CAPN9: variants seen among roughly 807,000 people sequenced by gnomAD.
CAPN9 encodes calpain-9.
A neutral mutation model predicts 92.8 loss-of-function variants in CAPN9; 81 were observed. The observed-to-expected ratio is 0.87, with a 90% CI of 0.73 to 1.05. The LOEUF is 1.05. Ranked by LOEUF, CAPN9 falls within the 50% of genes least tolerant of loss-of-function variation. The probability of loss-of-function intolerance (pLI) is 0.00; values close to 1 mark genes in which losing one functional copy is unlikely to be tolerated. For missense variants in CAPN9, 848 were observed against 866.2 expected (o/e 0.98, Z 0.26); for synonymous variants, 304 against 328.0 (o/e 0.93, Z 0.79).
chr1:230,800,299 AAAGAAAGG>A (rs199634573), intron 19 of CAPN9, among the ~76,000 whole-genome samples: 7,555 of 84,982 alleles, frequency 0.089, 787 homozygotes, highest in Middle Eastern at 0.11. Flanking sequence ...AGAAAGAAAG[AAAGAAAGG>A]AAAAACAAGA....
At position 230,767,683 on chromosome 1, in the gene CAPN9, G is replaced by A. The variant is rs747249590; in HGVS notation, c.679G>A (p.Gly227Ser). 2 of 1,613,346 alleles carry A rather than the reference G, an allele frequency of 1.2e-6. No homozygotes were observed. Among genetic ancestry groups the A allele is most frequent in the Admixed American group, 1.7e-5 (1 of 59,952 alleles). The change falls in exon 5 of 20, where the codon GGC (glycine) becomes AGC (serine). Residue 227 changes from glycine (G) to serine (S), a missense_variant. By Grantham distance (56) the Gly-to-Ser change is moderately conservative. Transcript: ENST00000271971. ...GATTCTAGAGAAGGCTTTGAAGAGA[G>A]GCTCCCTGCTGGGCTGCTTCATTGA... is the stretch of plus-strand genomic sequence containing the variant. ...YEILEKALKRGSLLGCFIDTR... is the reference protein window; with the variant it reads ...YEILEKALKRSSLLGCFIDTR...
chr1:230,788,958 C>G (rs1667791948), intron 13 of CAPN9, among the ~76,000 whole-genome samples: 1 of 152,106 alleles, frequency 6.6e-6, no homozygotes, highest in East Asian at 1.9e-4. Context: ...AGAGTTCAGC[C>G]CTCCTTGACT....
intron 1 of CAPN9, chr1:230,752,670 C>T: frequency 1.0e-6 from 1 of 985,210 alleles, no homozygotes; most frequent in Non-Finnish European, 1.2e-6. Context: ...GCACAGCCTG[C>T]TGGGCAGGGA....
rs1665604907 is a variant in CAPN9, at chr1:230,761,105, C to T, written c.402+1475C>T. On this transcript the variant is annotated intron_variant, in intron 3 of 19. Transcript: ENST00000271971. ...GACCTAGAACTCAGGAGTTCTGGAT[C>T]CAGCATCCTTTTGTGCTGCCAGGGA... 2.0e-5 allele frequency among the ~76,000 whole-genome samples: 3 copies of T among 152,236 alleles called. No individual in the cohort carries two copies. In the South Asian group the frequency reaches 6.2e-4, roughly 32 times the overall value.
At chr1:230,753,371 C>T (rs559260377) in intron 1 of CAPN9, among the ~76,000 whole-genome samples, 2 of 152,354 alleles carry the variant, frequency 1.3e-5, no homozygotes, top group East Asian at 1.9e-4. Context: ...TAATGCCACA[C>T]ATAGCTCTCC....
chr1:230,793,015 G>T, intron 17 of CAPN9, 87 bp downstream of exon 17: 2 of 1,014,452 alleles, frequency 2.0e-6, no homozygotes, highest in Non-Finnish European at 3.1e-6. Flanking sequence ...TCTTCTCTCT[G>T]CTGCCCAGGA....
chr1:230,772,170 A>T, intron 7 of CAPN9, 71 bp downstream of exon 7: 5 of 1,309,096 alleles, frequency 3.8e-6, no homozygotes, highest in Non-Finnish European at 5.5e-6. Flanking sequence ...TTGTGCAGAC[A>T]TGTGAAGGAG....
rs544724251 is a variant in CAPN9 at position 230,783,849 on chromosome 1, A to G, written c.1482-2132A>G. ...AAGACAGGAAGATGAGGAAAAGTTT[A>G]TAACTTCTTAGAGGCTGGTTAAATA... On this transcript the variant is annotated intron_variant, in intron 11 of 19. Coordinates refer to ENST00000271971, the MANE Select transcript of CAPN9 (RefSeq NM_006615.3). Among the ~76,000 whole-genome samples the G allele has an allele frequency of 2.0e-3, 299 of 152,346 alleles. 2 individuals carry two copies. The highest frequency in any genetic ancestry group is 3.7e-3 in the Non-Finnish European group (253 of 68,036).
rs144353051 is a variant in CAPN9 at position 230,769,235 on chromosome 1, A to T, written c.761A>T (p.His254Leu). The change falls in exon 6 of 20, where the codon CAT becomes CTT. Residue 254 changes from histidine to leucine, a missense_variant. By Grantham distance (99) the His-to-Leu change is moderately conservative. Transcript: ENST00000271971. ...ARTPFGLIKG[H>L]AYSVTGIDQV... ...ACGCCGTTTGGTCTTATTAAGGGTC[A>T]TGCCTACAGTGTAACGGGAATTGAC... is the stretch of plus-strand genomic sequence containing the variant. 1.2e-6 allele frequency: 2 copies of T among 1,613,968 alleles called. No individual in the cohort carries two copies. Among genetic ancestry groups the T allele is most frequent in the African/African-American group, 2.7e-5 (2 of 74,924 alleles).
chr1:230,767,520 T>C (rs1307687519), intron 4 of CAPN9, 21 bp from the exon 5 acceptor site: 1 of 1,592,408 alleles, frequency 6.3e-7, no homozygotes, highest in Non-Finnish European at 8.5e-7. Context: ...CTCTCTCCTC[T>C]CTCTCTTGCC....
chr1:230,752,634 C>T (rs1378681609), intron 1 of CAPN9: 17 of 981,466 alleles, frequency 1.7e-5, no homozygotes, highest in East Asian at 1.1e-4. Context: ...GGCGGGCATC[C>T]GGGAACAGCC....
At position 230,787,613 on chromosome 1, in the gene CAPN9, C is replaced by A. The variant is rs1427284113; in HGVS notation, c.1599+11C>A. On this transcript the variant is annotated intron_variant, in intron 13 of 19. Transcript: ENST00000271971. ...CAAGTCGCTGGTGAGGTAGGACATG[C>A]CCCACTTCCATCTCCCCACCAGGCT... is the stretch of plus-strand genomic sequence containing the variant. 2 of 1,609,886 alleles carry A rather than the reference C, an allele frequency of 1.2e-6. No homozygotes were observed. Among genetic ancestry groups the A allele is most frequent in the East Asian group, 2.2e-5 (1 of 44,866 alleles).
chr1:230,765,212 GACACACACACACACACAC>G (rs56286310), intron 4 of CAPN9, among the ~76,000 whole-genome samples: 21 of 132,038 alleles, frequency 1.6e-4, no homozygotes, highest in Admixed American at 3.8e-4. Flanking sequence ...ACACATGCAA[GACACACACACACACACAC>G]ACACACACAC....
chr1:230,801,917 G>A lies in CAPN9; in HGVS notation c.*321G>A, dbSNP rs1398638376. On this transcript the variant is annotated 3_prime_UTR_variant, in exon 20 of 20. Coordinates refer to ENST00000271971, the MANE Select transcript of CAPN9 (RefSeq NM_006615.3). The stretch of plus-strand genomic sequence containing the variant: ...ATTAAGAATTACTCAGAGTTCTAAC[G>A]CACAGAATCCTGACTTCCATGTAGC... 2 of 383,890 alleles carry A rather than the reference G, an allele frequency of 5.2e-6. No homozygotes were observed. The highest frequency in any genetic ancestry group is 9.5e-6 in the Non-Finnish European group (2 of 210,872). The allele number at this position is 383,890 out of a possible 1,614,324, so 23.8% of individuals were successfully genotyped here. A position where few individuals can be genotyped will look rare whatever the true frequency, so the allele number is the denominator to read the frequency against.
At chr1:230,771,510 G>A (rs1335487182) in intron 6 of CAPN9, among the ~76,000 whole-genome samples, 2 of 152,226 alleles carry the variant, frequency 1.3e-5, no homozygotes, top group Admixed American at 1.3e-4. Flanking sequence ...GTTTATTGTT[G>A]TGTTTAAATC....
chr1:230,786,177 G>A (rs1461289545), intron 12 of CAPN9, 160 bp downstream of exon 12: 1 of 985,284 alleles, frequency 1.0e-6, no homozygotes, highest in East Asian at 1.1e-4. Context: ...CAAGATGTGT[G>A]TGTTCTAGTC....
At chr1:230,767,519 C>G (rs1351376455) in intron 4 of CAPN9, 22 bp from the exon 5 acceptor site, 1 of 1,592,234 alleles carries the variant, frequency 6.3e-7, no homozygotes, top group Non-Finnish European at 8.5e-7. Flanking sequence ...ACTCTCTCCT[C>G]TCTCTCTTGC....
chr1:230,759,319 G>A (rs1218556220), intron 2 of CAPN9, among the ~76,000 whole-genome samples, 193 bp from the exon 3 acceptor site: 2 of 152,230 alleles, frequency 1.3e-5, no homozygotes, highest in African/African-American at 4.8e-5. Flanking sequence ...GTTTATGATA[G>A]ACGGGCAGAG....
intron 11 of CAPN9, among the ~76,000 whole-genome samples, chr1:230,783,671 C>G (rs9729744): frequency 0.22 from 33,215 of 152,080 alleles, 3,915 homozygotes; most frequent in African/African-American, 0.31. Flanking sequence ...GTAAATTAGT[C>G]TTAGGTATTT....
Sources: gnomAD v4.1 joint callset for allele counts (sites outside exome capture counted in the v4.1 genomes callset) on GRCh38, gnomAD v4.1.1 for gene constraint, MANE v1.5 for transcripts, NCBI Gene and HGNC (gene_info 2026-07-23, HGNC 2026-07-21) for gene names.